Variants in MYH10 observed in about 807,000 individuals in gnomAD.
MYH10 encodes the protein myosin heavy chain 10.
Under a neutral mutation model 257.8 loss-of-function variants are expected in MYH10, and 55 were observed. That is an observed-to-expected ratio of 0.21 (90% CI 0.17 to 0.27). MYH10 has a LOEUF of 0.27. Ranked by LOEUF, MYH10 falls within the 10% of genes least tolerant of loss-of-function variation. MYH10 has a pLI of 1.00. For synonymous variants in MYH10, 854 were observed against 921.7 expected (o/e 0.93, Z 1.33); for missense variants, 1,631 against 2,500.6 (o/e 0.65, Z 7.42).
chr17:8,524,290 A>C (rs2081760044), intron 17 of MYH10, among the ~76,000 whole-genome samples: 2 of 151,838 alleles, frequency 1.3e-5, no homozygotes, highest in South Asian at 4.2e-4. Context: ...AAAGTACAAC[A>C]AATACAAAAA....
intron 21 of MYH10, among the ~76,000 whole-genome samples, chr17:8,515,867 AAG>A (rs2081452459): frequency 6.6e-6 from 1 of 152,162 alleles, no homozygotes; most frequent in Non-Finnish European, 1.5e-5. Context: ...TCTTAATTCC[AAG>A]AGTTTCTACT....
At position 8,492,513 on chromosome 17, in the gene MYH10, T is replaced by C; in HGVS notation, c.4459-4A>G. On this transcript the variant is annotated splice_region_variant and splice_polypyrimidine_tract_variant and intron_variant, in intron 33 of 42. Transcript: ENST00000360416. ...TGCTCTTCTCTTCTGCTAACAGCTGTGCAGAAGGGGATGGGGGAATACGAA... is the reference window on the plus strand; with the variant it reads ...TGCTCTTCTCTTCTGCTAACAGCTGCGCAGAAGGGGATGGGGGAATACGAA... 6.2e-7 allele frequency: 1 copy of C among 1,606,730 alleles called. No homozygotes were observed. Among genetic ancestry groups the C allele is most frequent in the South Asian group, 1.1e-5 (1 of 90,822 alleles).
chr17:8,477,069 C>G lies in MYH10; in HGVS notation c.5707-21G>C, dbSNP rs1912786513. On this transcript the variant is annotated intron_variant, in intron 41 of 42. Transcript: ENST00000360416. The surrounding 1 kb of genome is among the most constrained non-coding windows in gnomAD (Gnocchi z 4.2). The stretch of plus-strand genomic sequence containing the variant: ...TCCATCTTGGGGAGGGTACATGAAC[C>G]AAAACAAACCAAACTGGTGAATCCA... 2 of 1,612,684 alleles carry G rather than the reference C, an allele frequency of 1.2e-6. No individual in the cohort carries two copies. The highest frequency in any genetic ancestry group is 1.7e-6 in the Non-Finnish European group (2 of 1,179,502).
At chr17:8,502,259 T>A in intron 28 of MYH10, among the ~76,000 whole-genome samples, 1 of 152,180 alleles carries the variant, frequency 6.6e-6, no homozygotes. Context: ...GAACAGGGCC[T>A]GGTGGCTGCC....
intron 39 of MYH10, 39 bp from the exon 40 acceptor site, chr17:8,480,357 G>A (rs762898738): frequency 1.2e-6 from 2 of 1,612,988 alleles, no homozygotes; most frequent in African/African-American, 1.3e-5. Flanking sequence ...TGTGCCTGAG[G>A]GGTGGCACAG....
intron 3 of MYH10, among the ~76,000 whole-genome samples, chr17:8,603,314 T>G (rs2084679921): frequency 6.6e-6 from 1 of 152,216 alleles, no homozygotes; most frequent in Admixed American, 6.5e-5. Flanking sequence ...ATAGATCTGG[T>G]CAACCTCAGT....
At chr17:8,624,719 C>T (rs888210023) in intron 1 of MYH10, among the ~76,000 whole-genome samples, 3 of 152,178 alleles carry the variant, frequency 2.0e-5, no homozygotes, top group Non-Finnish European at 2.9e-5. Flanking sequence ...CTAAAGGGCT[C>T]TATCTGTATC....
intron 29 of MYH10, among the ~76,000 whole-genome samples, chr17:8,500,318 C>T (rs1917322547): frequency 6.6e-6 from 1 of 152,122 alleles, no homozygotes; most frequent in Admixed American, 6.5e-5. Flanking sequence ...AATTAAGTTT[C>T]AGGAGAACGG....
Position 8,545,260 on chromosome 17 carries a change from A to G in MYH10, c.1431+188T>C, listed in dbSNP as rs1597790833. Among the ~76,000 whole-genome samples, 1 of 152,062 alleles carries G rather than the reference A, an allele frequency of 6.6e-6. No homozygotes were observed. The highest frequency in any genetic ancestry group is 2.4e-5 in the African/African-American group (1 of 41,406). On this transcript the variant is annotated intron_variant, in intron 13 of 42. Transcript: ENST00000360416. The surrounding 1 kb of genome is among the most constrained non-coding windows in gnomAD (Gnocchi z 4.7). The stretch of plus-strand genomic sequence containing the variant: ...GCTGGCCTCCCAGTTCTATCACAGC[A>G]CCCTTTCAGTGCATTCTCACAGACC...
chr17:8,530,544 CT>C, intron 17 of MYH10, 78 bp downstream of exon 17: 1 of 944,604 alleles, frequency 1.1e-6, no homozygotes, highest in Non-Finnish European at 1.5e-6. Flanking sequence ...CCCGGCCACC[CT>C]GCCAGTCCCC....
At chr17:8,558,370 A>G (rs746613786) in intron 7 of MYH10, among the ~76,000 whole-genome samples, 17 of 152,344 alleles carry the variant, frequency 1.1e-4, no homozygotes, top group Non-Finnish European at 1.9e-4. Flanking sequence ...AAAGGAGGAG[A>G]GAAGGCTTCA....
At chr17:8,481,471 GAC>G in intron 37 of MYH10, 61 bp from the exon 38 acceptor site, 2 of 1,462,750 alleles carry the variant, frequency 1.4e-6, no homozygotes, top group Non-Finnish European at 9.5e-7. Context: ...TGTGGAATCT[GAC>G]AGTGCCTGGA....
rs891482193 is a variant in MYH10, at chr17:8,574,585, T to C, written c.663+2058A>G. On this transcript the variant is annotated intron_variant, in intron 6 of 42. Coordinates refer to ENST00000360416, the MANE Select transcript of MYH10 (RefSeq NM_001256012.3). ...ATGAGTAGATAAACAAGCAAATATA[T>C]AAAGGACTGACAAAATCAGGAGCCT... Among the ~76,000 whole-genome samples the C allele has an allele frequency of 4.2e-4, 64 of 152,206 alleles. 1 individual carries two copies. Among genetic ancestry groups the C allele is most frequent in the African/African-American group, 1.4e-3 (60 of 41,450 alleles).
intron 42 of MYH10, among the ~76,000 whole-genome samples, chr17:8,476,440 A>G (rs74465188): frequency 0.037 from 5,677 of 152,296 alleles, 329 homozygotes; most frequent in African/African-American, 0.13. Context: ...CTTCTGGGGC[A>G]GAGACTTCAG....
At chr17:8,544,962 C>T (rs924357529) in intron 13 of MYH10, among the ~76,000 whole-genome samples, 12 of 152,316 alleles carry the variant, frequency 7.9e-5, no homozygotes, top group African/African-American at 2.9e-4. Context: ...GTCATCTTGC[C>T]CGTGTTCTAC....
intron 3 of MYH10, among the ~76,000 whole-genome samples, chr17:8,590,890 T>TTTTTTTTTGG (rs2084107269): frequency 6.8e-6 from 1 of 146,776 alleles, no homozygotes; most frequent in Non-Finnish European, 1.5e-5. Flanking sequence ...TTTTTTTTTT[T>TTTTTTTTTGG]GAGATGGAGT....
intron 2 of MYH10, among the ~76,000 whole-genome samples, chr17:8,616,632 A>G (rs1364905594): frequency 1.3e-5 from 2 of 152,106 alleles, no homozygotes; most frequent in East Asian, 3.8e-4. Context: ...AATAAAAATT[A>G]AGAACTAAAT....
chr17:8,484,097 C>A, intron 37 of MYH10, 41 bp downstream of exon 37: 1 of 1,478,774 alleles, frequency 6.8e-7, no homozygotes. Flanking sequence ...ATTTCAAGGG[C>A]AAATATATTT....
intron 2 of MYH10, among the ~76,000 whole-genome samples, chr17:8,609,574 CGTATTAGGACA>C (rs541926148): frequency 1.1e-3 from 165 of 151,912 alleles, no homozygotes; most frequent in Admixed American, 3.1e-3. Flanking sequence ...ATAGAGTCTA[CGTATTAGGACA>C]GAAATGCATA....
Sources: allele counts gnomAD v4.1 joint callset (sites outside exome capture counted in the v4.1 genomes callset), GRCh38; gene constraint gnomAD v4.1.1; non-coding constraint Gnocchi (gnomAD v3.1); transcripts MANE v1.5; gene names NCBI Gene and HGNC (gene_info 2026-07-23, HGNC 2026-07-21).